Variants in PSD3 observed in about 807,000 individuals in gnomAD.
PSD3 encodes the protein pleckstrin and Sec7 domain containing 3.
PSD3 carries 49 observed loss-of-function variants against 105.5 expected under a neutral mutation model. The ratio of observed to expected loss-of-function variants is 0.46; its 90% CI spans 0.37 to 0.59. The LOEUF is 0.59. Ranked by LOEUF, PSD3 falls within the 20% of genes least tolerant of loss-of-function variation. The probability of loss-of-function intolerance (pLI) is 0.00; values close to 1 mark genes in which losing one functional copy is unlikely to be tolerated. For synonymous variants in PSD3, 557 were observed against 457.8 expected, an observed-to-expected ratio of 1.22 and a Z score of -2.77; for missense variants, 1,561 against 1,263.8, an observed-to-expected ratio of 1.24 and a Z score of -3.57.
chr8:18,536,704 C>T (rs1212387599), intron 15 of PSD3, among the ~76,000 whole-genome samples: 2 of 152,112 alleles, frequency 1.3e-5, no homozygotes, highest in East Asian at 1.9e-4. Context: ...TTGATTCCTC[C>T]GTCTCTTGGA....
At chr8:18,681,446 C>CAAAAAAA (rs528679351) in intron 9 of PSD3, among the ~76,000 whole-genome samples, 3 of 62,274 alleles carry the variant, frequency 4.8e-5, no homozygotes, top group Non-Finnish European at 7.5e-5. Flanking sequence ...GTTTCTGTTT[C>CAAAAAAA]AAAAAAAAAA....
chr8:18,873,619 G>C (rs1177453507), intron 2 of PSD3, among the ~76,000 whole-genome samples: 1 of 152,090 alleles, frequency 6.6e-6, no homozygotes, highest in African/African-American at 2.4e-5. Context: ...CAATTTTCAA[G>C]TATACAATAC....
chr8:18,994,121 C>T (rs911663896), intron 1 of PSD3, among the ~76,000 whole-genome samples: 3 of 151,950 alleles, frequency 2.0e-5, no homozygotes, highest in Admixed American at 6.6e-5. Flanking sequence ...TCAGGCTTCA[C>T]ATCTATAAAA....
chr8:18,986,324 G>C (rs1318669404), intron 1 of PSD3, among the ~76,000 whole-genome samples: 5 of 152,082 alleles, frequency 3.3e-5, no homozygotes, highest in African/African-American at 4.8e-5. Flanking sequence ...ACTTGTTTTT[G>C]TTAGTGCTTT....
chr8:18,968,468 C>A (rs1824422513), intron 1 of PSD3, among the ~76,000 whole-genome samples: 1 of 152,204 alleles, frequency 6.6e-6, no homozygotes, highest in Non-Finnish European at 1.5e-5. Flanking sequence ...TCTGAAAGAA[C>A]CTTCGACGCC....
At chr8:18,771,105 G>A (rs1247835370) in intron 8 of PSD3, among the ~76,000 whole-genome samples, 1 of 152,188 alleles carries the variant, frequency 6.6e-6, no homozygotes, top group Non-Finnish European at 1.5e-5. Context: ...AGTCTCCAAT[G>A]TCCAGCTGCT....
intron 9 of PSD3, among the ~76,000 whole-genome samples, chr8:18,746,238 A>G (rs1206594255): frequency 1.3e-5 from 2 of 151,922 alleles, no homozygotes; most frequent in East Asian, 1.9e-4. Context: ...TCTTTTTTGC[A>G]TACTTACAAA....
At chr8:18,627,180 A>T (rs1302275626) in intron 11 of PSD3, among the ~76,000 whole-genome samples, 1 of 152,110 alleles carries the variant, frequency 6.6e-6, no homozygotes, top group Non-Finnish European at 1.5e-5. Context: ...TTAGAGAAAG[A>T]GTCTCGGTTC....
intron 9 of PSD3, among the ~76,000 whole-genome samples, chr8:18,723,149 C>A (rs562074112): frequency 6.6e-6 from 1 of 152,270 alleles, no homozygotes; most frequent in Admixed American, 6.5e-5. Flanking sequence ...AAGAGTGACC[C>A]ACAGTATTTC....
chr8:18,719,218 T>C (rs925759085), intron 9 of PSD3, among the ~76,000 whole-genome samples: 11 of 152,120 alleles, frequency 7.2e-5, no homozygotes, highest in African/African-American at 2.4e-4. Flanking sequence ...GCCACTGAGA[T>C]TGTCAAAGTG....
At chr8:18,953,071 A>G (rs1188617594) in intron 1 of PSD3, among the ~76,000 whole-genome samples, 1 of 152,246 alleles carries the variant, frequency 6.6e-6, no homozygotes, top group Non-Finnish European at 1.5e-5. Flanking sequence ...AAAACAGACC[A>G]TTTAAGAAAC....
intron 1 of PSD3, among the ~76,000 whole-genome samples, chr8:18,986,688 T>C (rs778047475): frequency 6.6e-5 from 10 of 152,150 alleles, no homozygotes; most frequent in Non-Finnish European, 8.8e-5. Flanking sequence ...GACACTTCAC[T>C]TATCGCTGAA....
At chr8:18,963,957 G>A (rs1473686784) in intron 1 of PSD3, among the ~76,000 whole-genome samples, 2 of 152,134 alleles carry the variant, frequency 1.3e-5, no homozygotes, top group Non-Finnish European at 1.5e-5. Flanking sequence ...AGCCCCAGTA[G>A]GCAGGCTTTC....
At chr8:19,074,611 A>ATATATATATATATATATATT (rs1324257417) in intron 1 of PSD3, among the ~76,000 whole-genome samples, 3 of 24,216 alleles carry the variant, frequency 1.2e-4, no homozygotes, top group African/African-American at 1.6e-4. Context: ...ATATATATAT[A>ATATATATATATATATATATT]TTTTTTTTTT....
chr8:18,787,707 T>TA (rs1255508611), intron 8 of PSD3, among the ~76,000 whole-genome samples: 11 of 152,160 alleles, frequency 7.2e-5, no homozygotes, highest in Admixed American at 6.6e-4. Flanking sequence ...TTTCTTATGA[T>TA]AAAAAGATGT....
At chr8:18,955,272 A>G (rs889014432) in intron 1 of PSD3, among the ~76,000 whole-genome samples, 8 of 152,098 alleles carry the variant, frequency 5.3e-5, no homozygotes, top group African/African-American at 1.9e-4. Flanking sequence ...ACAGGGTCTC[A>G]CTCTGTCACC....
chr8:18,664,427 G>A (rs927044181), intron 9 of PSD3, among the ~76,000 whole-genome samples: 3 of 152,204 alleles, frequency 2.0e-5, no homozygotes. Flanking sequence ...CTAATTCAGA[G>A]CAAGGACCTA....
At chr8:18,974,766 T>A (rs1352899227) in intron 1 of PSD3, among the ~76,000 whole-genome samples, 1 of 151,896 alleles carries the variant, frequency 6.6e-6, no homozygotes, top group Non-Finnish European at 1.5e-5. Context: ...GGGCTTGGGT[T>A]TAAACTGCTG....
intron 9 of PSD3, among the ~76,000 whole-genome samples, chr8:18,713,937 T>A (rs1030894180): frequency 6.6e-6 from 1 of 152,034 alleles, no homozygotes; most frequent in African/African-American, 2.4e-5. Flanking sequence ...AACAGACACA[T>A]AGACCAATGG....
Sources: allele counts gnomAD v4.1 joint callset (sites outside exome capture counted in the v4.1 genomes callset), GRCh38; gene constraint gnomAD v4.1.1; transcripts MANE v1.5; gene names NCBI Gene and HGNC (gene_info 2026-07-23, HGNC 2026-07-21).